Variants in SND1 observed in about 807,000 individuals in gnomAD.
SND1 encodes the protein staphylococcal nuclease domain-containing protein 1.
A neutral mutation model predicts 121.7 loss-of-function variants in SND1; 38 were observed. The ratio of observed to expected loss-of-function variants is 0.31; its 90% confidence interval spans 0.24 to 0.41. SND1 has a LOEUF of 0.41. Ranked by LOEUF, SND1 falls within the 10% of genes least tolerant of loss-of-function variation. The probability of loss-of-function intolerance (pLI) is 1.00; values close to 1 mark genes in which losing one functional copy is unlikely to be tolerated. For missense variants in SND1, 868 were observed against 1,184.6 expected, an observed-to-expected ratio of 0.73 and a Z score of 3.92; for synonymous variants, 401 against 447.4, an observed-to-expected ratio of 0.90 and a Z score of 1.31.
At chr7:128,016,513 C>T (rs1803228902) in intron 16 of SND1, among the ~76,000 whole-genome samples, 1 of 152,148 alleles carries the variant, frequency 6.6e-6, no homozygotes, top group Non-Finnish European at 1.5e-5. Flanking sequence ...CTGGAGTGGG[C>T]ATGGGGCCGT....
intron 1 of SND1, among the ~76,000 whole-genome samples, chr7:127,656,843 G>C (rs151091849): frequency 6.6e-6 from 1 of 152,288 alleles, no homozygotes; most frequent in Non-Finnish European, 1.5e-5. Context: ...ACTATTCCAA[G>C]GGATAAGGTA....
intron 12 of SND1, among the ~76,000 whole-genome samples, chr7:127,845,744 G>A (rs904239550): frequency 6.6e-6 from 1 of 152,096 alleles, no homozygotes. Context: ...ACAAAACCAC[G>A]TGTCTTTATT....
chr7:127,672,568 G>A (rs898947545), intron 1 of SND1, among the ~76,000 whole-genome samples: 21 of 151,326 alleles, frequency 1.4e-4, no homozygotes, highest in African/African-American at 4.4e-4. Flanking sequence ...AGCCGAGATC[G>A]CACCACTGCA....
chr7:127,884,837 G>A (rs1442180802), intron 12 of SND1, among the ~76,000 whole-genome samples: 1 of 152,090 alleles, frequency 6.6e-6, no homozygotes, highest in Admixed American at 6.6e-5. Flanking sequence ...CTGCTACAGG[G>A]TTCATTCTAG....
chr7:128,066,051 T>G (rs1793307898), intron 16 of SND1, among the ~76,000 whole-genome samples: 1 of 152,186 alleles, frequency 6.6e-6, no homozygotes, highest in South Asian at 2.1e-4. Context: ...ATTGCGTCAG[T>G]TTGTAAACTG....
intron 11 of SND1, among the ~76,000 whole-genome samples, chr7:127,830,244 G>A (rs1381632325): frequency 6.6e-6 from 1 of 152,058 alleles, no homozygotes; most frequent in Non-Finnish European, 1.5e-5. Flanking sequence ...TTAGCTGGGC[G>A]TGGTGGTGGG....
chr7:127,919,227 G>C (rs927012236), intron 14 of SND1, among the ~76,000 whole-genome samples: 1 of 152,052 alleles, frequency 6.6e-6, no homozygotes, highest in South Asian at 2.1e-4. Flanking sequence ...TGATTTTAAG[G>C]TAATTTTTAT....
chr7:127,849,221 G>A (rs1799122350), intron 12 of SND1, among the ~76,000 whole-genome samples: 1 of 152,062 alleles, frequency 6.6e-6, no homozygotes, highest in African/African-American at 2.4e-5. Context: ...CTCTTCTTAT[G>A]ATTTAGTCGT....
intron 5 of SND1, 107 bp downstream of exon 5, chr7:127,701,430 T>G (rs1796099121): frequency 6.0e-6 from 7 of 1,159,192 alleles, no homozygotes; most frequent in Non-Finnish European, 8.4e-6. Flanking sequence ...TTATACTTAT[T>G]TAGTATCCAT....
chr7:127,831,652 TG>T (rs1798742415), intron 11 of SND1, among the ~76,000 whole-genome samples: 1 of 152,212 alleles, frequency 6.6e-6, no homozygotes, highest in Non-Finnish European at 1.5e-5. Flanking sequence ...GCAGTGACCG[TG>T]GCCTCAGTGT....
intron 10 of SND1, among the ~76,000 whole-genome samples, chr7:127,757,118 C>T (rs1456204909): frequency 6.6e-6 from 1 of 152,054 alleles, no homozygotes. Context: ...GTTTTTTATG[C>T]CTTGAAATAA....
At chr7:127,851,794 AG>A (rs1427873728) in intron 12 of SND1, among the ~76,000 whole-genome samples, 1 of 152,218 alleles carries the variant, frequency 6.6e-6, no homozygotes, top group Non-Finnish European at 1.5e-5. Flanking sequence ...CTGTCTTAAT[AG>A]CACCCTATTC....
chr7:127,833,141 TTTATC>T (rs1798795239), intron 11 of SND1, among the ~76,000 whole-genome samples: 1 of 152,132 alleles, frequency 6.6e-6, no homozygotes, highest in African/African-American at 2.4e-5. Context: ...GGTAGACTAT[TTTATC>T]TTATATGACA....
Position 128,083,341 on chromosome 7 carries a change from C to T in SND1, c.2111-1383C>T, listed in dbSNP as rs553597830. ...GGGAGGAAGCTGTCTGTCAAGGCTT[C>T]TTAATCCCTGGAATTTCACTGTCTA... is the stretch of plus-strand genomic sequence containing the variant. On this transcript the variant is annotated intron_variant, in intron 18 of 23. Transcript: ENST00000354725. Among the ~76,000 whole-genome samples, 16 of 152,328 alleles carry T rather than the reference C, an allele frequency of 1.1e-4. No homozygotes were observed. The South Asian group carries it at 3.3e-3, about 32-fold the overall frequency.
intron 10 of SND1, among the ~76,000 whole-genome samples, chr7:127,779,080 A>G (rs1339588181): frequency 6.6e-6 from 1 of 152,236 alleles, no homozygotes; most frequent in Admixed American, 6.5e-5. Context: ...ACCTACCTGC[A>G]TACTTGAATA....
intron 10 of SND1, among the ~76,000 whole-genome samples, chr7:127,722,024 AT>A (rs112537277): frequency 2.6e-5 from 4 of 151,512 alleles, no homozygotes; most frequent in African/African-American, 4.8e-5. Flanking sequence ...AGATAGACTG[AT>A]TTTTTTTTGT....
At chr7:127,756,470 G>A (rs1797197296) in intron 10 of SND1, among the ~76,000 whole-genome samples, 1 of 152,206 alleles carries the variant, frequency 6.6e-6, no homozygotes, top group African/African-American at 2.4e-5. Context: ...AAAATAATAT[G>A]GTGGGGGTAT....
chr7:127,865,618 T>A (rs1374000202), intron 12 of SND1, among the ~76,000 whole-genome samples: 3 of 152,096 alleles, frequency 2.0e-5, no homozygotes, highest in African/African-American at 7.2e-5. Flanking sequence ...GGTTTTGTTT[T>A]GTTTGTTTCG....
At chr7:128,014,682 T>C (rs1208192233) in intron 16 of SND1, among the ~76,000 whole-genome samples, 4 of 152,190 alleles carry the variant, frequency 2.6e-5, no homozygotes, top group African/African-American at 7.2e-5. Context: ...TTCTTAACTT[T>C]GGGCAGATCT....
Sources: gnomAD v4.1 joint callset for allele counts (sites outside exome capture counted in the v4.1 genomes callset) on GRCh38, gnomAD v4.1.1 for gene constraint, MANE v1.5 for transcripts, NCBI Gene and HGNC (gene_info 2026-07-23, HGNC 2026-07-21) for gene names.